CACNA2D3: variants seen among roughly 807,000 people sequenced by gnomAD.
CACNA2D3 encodes the protein voltage-dependent calcium channel subunit alpha-2/delta-3.
In CACNA2D3, 60 loss-of-function variants were observed where a neutral mutation model predicts 160.6. The observed-to-expected ratio is 0.37, with a 90% CI of 0.30 to 0.46. CACNA2D3 has a LOEUF of 0.46. Ranked by LOEUF, CACNA2D3 falls within the 20% of genes least tolerant of loss-of-function variation. The pLI is 1.00. For synonymous variants in CACNA2D3, 558 were observed against 492.9 expected (o/e 1.13, Z -1.75); for missense variants, 1,205 against 1,365.0 (o/e 0.88, Z 1.85).
chr3:54,789,608 T>C (rs1488337591), intron 13 of CACNA2D3, among the ~76,000 whole-genome samples: 1 of 152,210 alleles, frequency 6.6e-6, no homozygotes, highest in Non-Finnish European at 1.5e-5. Context: ...TTTGCCAAGC[T>C]TGCTTTCTCT....
At chr3:54,810,711 A>G (rs545518552) in intron 13 of CACNA2D3, among the ~76,000 whole-genome samples, 166 of 152,282 alleles carry the variant, frequency 1.1e-3, no homozygotes, top group South Asian at 2.5e-3. Flanking sequence ...GTTTTGATCA[A>G]TAGATCTTTA....
intron 2 of CACNA2D3, among the ~76,000 whole-genome samples, chr3:54,293,678 C>G (rs890035295): frequency 6.6e-6 from 1 of 152,056 alleles, no homozygotes; most frequent in Non-Finnish European, 1.5e-5. Context: ...ATGCATCATA[C>G]TGAGTGAAAG....
At chr3:54,191,914 T>C (rs1700991493) in intron 2 of CACNA2D3, among the ~76,000 whole-genome samples, 1 of 152,168 alleles carries the variant, frequency 6.6e-6, no homozygotes, top group Non-Finnish European at 1.5e-5. Flanking sequence ...CAACACCAAA[T>C]CCACTGTGTC....
chr3:54,682,191 ACAC>A (rs1559548027), intron 11 of CACNA2D3, among the ~76,000 whole-genome samples: 1 of 151,576 alleles, frequency 6.6e-6, no homozygotes, highest in Admixed American at 6.6e-5. Context: ...ACACACACAC[ACAC>A]CACAAAACCC....
intron 11 of CACNA2D3, among the ~76,000 whole-genome samples, chr3:54,736,018 C>T (rs2360028): frequency 0.69 from 54,881 of 79,506 alleles, 20,551 homozygotes; most frequent in Admixed American, 0.77. Flanking sequence ...TATATATATA[C>T]ACATACATAT....
chr3:54,263,337 C>G (rs1157164289), intron 2 of CACNA2D3, among the ~76,000 whole-genome samples: 1 of 152,088 alleles, frequency 6.6e-6, no homozygotes, highest in Non-Finnish European at 1.5e-5. Flanking sequence ...GTATTAAGTG[C>G]TTAATGTTTG....
intron 10 of CACNA2D3, among the ~76,000 whole-genome samples, chr3:54,635,474 A>G (rs1699350486): frequency 6.6e-6 from 1 of 152,052 alleles, no homozygotes; most frequent in African/African-American, 2.4e-5. Context: ...GAGTATGACT[A>G]GACAGAAAAT....
chr3:54,964,748 G>C (rs1358965816), intron 27 of CACNA2D3, among the ~76,000 whole-genome samples: 1 of 152,112 alleles, frequency 6.6e-6, no homozygotes, highest in South Asian at 2.1e-4. Context: ...TTTCTGAATA[G>C]AGTTGGCCAT....
chr3:54,722,461 A>G lies in CACNA2D3; in HGVS notation c.1168-30138A>G, dbSNP rs555068862. Among the ~76,000 whole-genome samples, 22 of 152,030 alleles carry G rather than the reference A, an allele frequency of 1.4e-4. 1 individual carries two copies. Among genetic ancestry groups the G allele is most frequent in the Middle Eastern group, 6.8e-3 (2 of 294 alleles). On this transcript the variant is annotated intron_variant, in intron 11 of 37. Transcript: ENST00000474759. ...CAGTTTTGTTCCCTTGCTGGTTAGG[A>G]GTTGTGATCCTTTGGAGGAGAAGAG...
At chr3:54,858,180 T>C (rs1177071254) in intron 17 of CACNA2D3, among the ~76,000 whole-genome samples, 1 of 152,004 alleles carries the variant, frequency 6.6e-6, no homozygotes, top group Non-Finnish European at 1.5e-5. Flanking sequence ...AAAATTCCTG[T>C]AGATTTGTCT....
At chr3:54,690,539 G>C (rs888556284) in intron 11 of CACNA2D3, among the ~76,000 whole-genome samples, 12 of 152,052 alleles carry the variant, frequency 7.9e-5, no homozygotes, top group Non-Finnish European at 1.6e-4. Context: ...TGTGTGAACT[G>C]CTTATTTTTA....
intron 9 of CACNA2D3, among the ~76,000 whole-genome samples, chr3:54,595,128 G>A (rs1178431715): frequency 1.3e-5 from 2 of 152,180 alleles, no homozygotes; most frequent in Admixed American, 1.3e-4. Flanking sequence ...TATCCTTATG[G>A]AGCTGTGGTG....
intron 14 of CACNA2D3, among the ~76,000 whole-genome samples, chr3:54,829,885 C>CTTTTTTTTTTTTTTTTTTTTTT (rs58291013): frequency 1.6e-5 from 1 of 64,310 alleles, no homozygotes; most frequent in Non-Finnish European, 2.8e-5. Context: ...TCTTCTTCAT[C>CTTTTTTTTTTTTTTTTTTTTTT]TTTTTTTTTT....
At chr3:55,008,948 C>T (rs1421169139) in intron 33 of CACNA2D3, among the ~76,000 whole-genome samples, 2 of 134,876 alleles carry the variant, frequency 1.5e-5, no homozygotes, top group African/African-American at 2.6e-5. Flanking sequence ...AAGTTCAAGT[C>T]GCAGTATTCA....
intron 11 of CACNA2D3, among the ~76,000 whole-genome samples, chr3:54,710,564 G>A (rs1278721064): frequency 6.6e-6 from 1 of 152,118 alleles, no homozygotes; most frequent in Non-Finnish European, 1.5e-5. Context: ...ATATTCCATT[G>A]TCCAGAATTT....
chr3:54,319,199 CA>C (rs1703935556), intron 2 of CACNA2D3, among the ~76,000 whole-genome samples: 52 of 149,274 alleles, frequency 3.5e-4, no homozygotes, highest in Admixed American at 1.5e-3. Flanking sequence ...CACACACACA[CA>C]CCCTTCCTCG....
chr3:54,942,581 A>T (rs1701499676), intron 27 of CACNA2D3, among the ~76,000 whole-genome samples: 1 of 152,162 alleles, frequency 6.6e-6, no homozygotes, highest in African/African-American at 2.4e-5. Flanking sequence ...GGTGCTAAAG[A>T]TGTTTTAAAA....
At chr3:54,935,226 G>A (rs763886431) in intron 27 of CACNA2D3, among the ~76,000 whole-genome samples, 7 of 152,132 alleles carry the variant, frequency 4.6e-5, no homozygotes, top group Admixed American at 2.0e-4. Context: ...GTCTACCTCT[G>A]GGGTAGACTT....
chr3:54,790,814 A>G (rs1353714407), intron 13 of CACNA2D3, among the ~76,000 whole-genome samples: 4 of 152,154 alleles, frequency 2.6e-5, no homozygotes, highest in African/African-American at 9.7e-5. Flanking sequence ...TCCACCATCC[A>G]GAAGGGGCTT....
Sources: allele counts gnomAD v4.1 joint callset (sites outside exome capture counted in the v4.1 genomes callset), GRCh38; gene constraint gnomAD v4.1.1; transcripts MANE v1.5; gene names NCBI Gene and HGNC (gene_info 2026-07-23, HGNC 2026-07-21).